The following PIAS1 variants were observed in gnomAD, a reference collection of about 807,000 sequenced individuals.
PIAS1 encodes the protein E3 SUMO-protein ligase PIAS1.
PIAS1 carries 6 observed loss-of-function variants against 71.3 expected under a neutral mutation model. The observed-to-expected ratio is 0.08, with a 90% confidence interval of 0.05 to 0.17. The LOEUF (loss-of-function observed/expected upper bound fraction) is 0.17. Ranked by LOEUF, PIAS1 falls within the 10% of genes least tolerant of loss-of-function variation. The pLI is 1.00. For missense variants in PIAS1, 555 were observed against 793.6 expected (o/e 0.70, Z 3.61); for synonymous variants, 303 against 292.9 (o/e 1.03, Z -0.35).
At chr15:68,176,414 T>G in intron 10 of PIAS1, 60 bp from the exon 11 acceptor site, 2 of 1,135,988 alleles carry the variant, frequency 1.8e-6, no homozygotes, top group Admixed American at 2.7e-5. Flanking sequence ...GTAGTGACAC[T>G]GAGAAAAGAG....
chr15:68,191,400 C>G lies in PIAS1; in HGVS notation c.*3565C>G, dbSNP rs2093119397. ...ACATGCATTGGAAAAAAATTGTTTA[C>G]CTATTGAATGTTACCTGTTTATGTA... On this transcript the variant is annotated 3_prime_UTR_variant, in exon 14 of 14. Transcript: ENST00000249636. The G allele has an allele frequency of 1.3e-5, 2 of 152,562 alleles. No individual in the cohort carries two copies. The highest frequency in any genetic ancestry group is 2.9e-5 in the Non-Finnish European group (2 of 68,028). 9.5% of individuals were successfully genotyped at this position (152,562 alleles called of 1,614,324 possible). A position where few individuals can be genotyped will look rare whatever the true frequency, so the allele number is the denominator to read the frequency against.
Position 68,173,674 on chromosome 15 carries a change from C to A in PIAS1, c.1009-58C>A. 1 of 1,322,418 alleles carries A rather than the reference C, an allele frequency of 7.6e-7. No homozygotes were observed. Among genetic ancestry groups the A allele is most frequent in the South Asian group, 2.0e-5 (1 of 51,140 alleles). 81.9% of individuals were successfully genotyped at this position (1,322,418 alleles called of 1,614,324 possible). On this transcript the variant is annotated intron_variant, in intron 8 of 13. Transcript: ENST00000249636. The surrounding 1 kb of genome is among the most constrained non-coding windows in gnomAD (Gnocchi z 4.3). ...CTGTTGTGTTCTAGGAAATTTTTGT[C>A]AAAGCTTAAATGTTGAATAGCAATT... is the stretch of plus-strand genomic sequence containing the variant.
rs1051450634 is a variant in PIAS1 at position 68,178,537 on chromosome 15, T to G, written c.1481+1883T>G. ...GGAGAAAAGGAAAAGTCACATTACC[T>G]AAAGTTAGAACAAGTATCTATAGAA... On this transcript the variant is annotated intron_variant, in intron 11 of 13. Transcript: ENST00000249636. This position sits in a 1 kb window ranked among gnomAD's most constrained non-coding sequence, Gnocchi z 4.2. 6.6e-6 allele frequency among the ~76,000 whole-genome samples: 1 copy of G among 152,186 alleles called. No individual in the cohort carries two copies. The highest frequency in any genetic ancestry group is 2.4e-5 in the African/African-American group (1 of 41,444).
rs2092495005 is a variant in PIAS1 at position 68,108,708 on chromosome 15, G to A, written c.469+21958G>A. ...TCTACCCTCAGTATTCTCCCTTTTG[G>A]TTAAGAGTATCTTCATCCTTTTTGT... On this transcript the variant is annotated intron_variant, in intron 2 of 13. Transcript: ENST00000249636. 2.0e-5 allele frequency among the ~76,000 whole-genome samples: 3 copies of A among 151,950 alleles called. No homozygotes were observed. In the South Asian group the frequency reaches 6.2e-4, roughly 32 times the overall value.
intron 7 of PIAS1, among the ~76,000 whole-genome samples, chr15:68,164,231 G>T (rs1464508350): frequency 6.6e-6 from 1 of 151,886 alleles, no homozygotes; most frequent in East Asian, 1.9e-4. Flanking sequence ...AAAGAAATAG[G>T]ACTCTTTTCA....
At chr15:68,135,197 C>A (rs867312790) in intron 2 of PIAS1, among the ~76,000 whole-genome samples, 140 of 42,040 alleles carry the variant, frequency 3.3e-3, no homozygotes, top group African/African-American at 7.0e-3. Context: ...GGGGGGCTGA[C>A]CCCCCCACCT....
chr15:68,175,053 G>A (rs1367963273), intron 9 of PIAS1, among the ~76,000 whole-genome samples: 1 of 152,016 alleles, frequency 6.6e-6, no homozygotes, highest in Non-Finnish European at 1.5e-5. Flanking sequence ...GCTTTTTTCG[G>A]TATATGATTT....
At chr15:68,130,120 A>G (rs1276693191) in intron 2 of PIAS1, among the ~76,000 whole-genome samples, 2 of 152,100 alleles carry the variant, frequency 1.3e-5, no homozygotes, top group African/African-American at 4.8e-5. Context: ...CTGTATCAAA[A>G]TATTTCATAT....
chr15:68,130,665 C>CT (rs995071298), intron 2 of PIAS1, among the ~76,000 whole-genome samples: 2 of 112,124 alleles, frequency 1.8e-5, no homozygotes, highest in Non-Finnish European at 3.7e-5. Flanking sequence ...AAAGGTAACA[C>CT]TTAAAAAAAA....
At position 68,086,806 on chromosome 15, in the gene PIAS1, A is replaced by G; in HGVS notation, c.469+56A>G. 1 of 1,106,430 alleles carries G rather than the reference A, an allele frequency of 9.0e-7. No individual in the cohort carries two copies. Among genetic ancestry groups the G allele is most frequent in the Non-Finnish European group, 1.3e-6 (1 of 754,228 alleles). The allele number at this position is 1,106,430 out of a possible 1,614,324, so 68.5% of individuals were successfully genotyped here. On this transcript the variant is annotated intron_variant, in intron 2 of 13. Coordinates refer to ENST00000249636, the MANE Select transcript of PIAS1 (RefSeq NM_016166.3). This position sits in a 1 kb window ranked among gnomAD's most constrained non-coding sequence, Gnocchi z 7.2. The stretch of plus-strand genomic sequence containing the variant: ...CTTTTGCAGGATGAATTTTCGTTTT[A>G]GGCTTTTACTTTGACCCAGTTTATT...
chr15:68,054,423 T>A lies in PIAS1; in HGVS notation c.24+73T>A. ...CGCCGCTGCTGCCAGGGGGGATGGG[T>A]CCGACCCTGGGGGGCCTCTCGGGCC... On this transcript the variant is annotated intron_variant, in intron 1 of 13. Coordinates refer to ENST00000249636, the MANE Select transcript of PIAS1 (RefSeq NM_016166.3). The surrounding 1 kb of genome is among the most constrained non-coding windows in gnomAD (Gnocchi z 4.6). The A allele has an allele frequency of 6.7e-7, 1 of 1,484,012 alleles. No homozygotes were observed. The highest frequency in any genetic ancestry group is 1.2e-5 in the South Asian group (1 of 82,394). The allele number at this position is 1,484,012 out of a possible 1,614,324, so 91.9% of individuals were successfully genotyped here. A position where few individuals can be genotyped will look rare whatever the true frequency, so the allele number is the denominator to read the frequency against.
chr15:68,061,593 ACT>A (rs1259367229), intron 1 of PIAS1: 2 of 152,094 alleles, frequency 1.3e-5, no homozygotes, highest in Non-Finnish European at 2.9e-5. Context: ...GATATCAGTA[ACT>A]CTCATAGGAC....
chr15:68,154,945 C>G (rs770572358), intron 7 of PIAS1, among the ~76,000 whole-genome samples: 2 of 152,206 alleles, frequency 1.3e-5, no homozygotes, highest in African/African-American at 4.8e-5. Context: ...CCTGGTCATT[C>G]TACTGAGAAT....
chr15:68,152,902 T>TTC (rs1295215878), intron 6 of PIAS1, among the ~76,000 whole-genome samples: 2 of 148,670 alleles, frequency 1.3e-5, no homozygotes, highest in African/African-American at 4.9e-5. Flanking sequence ...GGCTTTTCTT[T>TTC]TTTTTTTTTT....
chr15:68,184,641 T>C (rs144620487), intron 13 of PIAS1: 45 of 152,426 alleles, frequency 3.0e-4, no homozygotes, highest in African/African-American at 1.0e-3. Flanking sequence ...TGAAGGCAAC[T>C]GAAGAATTTT....
chr15:68,054,401 C>A lies in PIAS1; in HGVS notation c.24+51C>A. 6.5e-7 allele frequency: 1 copy of A among 1,543,500 alleles called. No homozygotes were observed. Among genetic ancestry groups the A allele is most frequent in the South Asian group, 1.2e-5 (1 of 83,818 alleles). On this transcript the variant is annotated intron_variant, in intron 1 of 13. Transcript: ENST00000249636. The surrounding 1 kb of genome is among the most constrained non-coding windows in gnomAD (Gnocchi z 4.6). The stretch of plus-strand genomic sequence containing the variant: ...TAATATTCGGCCGCGGAGACGGCGC[C>A]GCTGCTGCCAGGGGGGATGGGTCCG...
intron 2 of PIAS1, among the ~76,000 whole-genome samples, chr15:68,091,046 A>G (rs2140987402): frequency 6.6e-6 from 1 of 152,140 alleles, no homozygotes. Context: ...ATCCATATAA[A>G]TAATGGAAGA....
chr15:68,127,458 A>G (rs2092658665), intron 2 of PIAS1, among the ~76,000 whole-genome samples: 2 of 152,282 alleles, frequency 1.3e-5, no homozygotes, highest in South Asian at 4.1e-4. Context: ...ATTTTGCATT[A>G]TAAATTAGAT....
rs1026806503 is a variant in PIAS1 at position 68,171,471 on chromosome 15, A to C, written c.1009-2261A>C. Among the ~76,000 whole-genome samples the C allele has an allele frequency of 2.6e-5, 4 of 152,182 alleles. No individual in the cohort carries two copies. The highest frequency in any genetic ancestry group is 1.3e-4 in the Admixed American group (2 of 15,274). On this transcript the variant is annotated intron_variant, in intron 8 of 13. Transcript: ENST00000249636. The surrounding 1 kb of genome is among the most constrained non-coding windows in gnomAD (Gnocchi z 4.4). The stretch of plus-strand genomic sequence containing the variant: ...GTATATGCGGTTCAGTGTTGACCAA[A>C]ATGTTATGTGGTGCTTGATTGTAAT...
Sources: gnomAD v4.1 joint callset for allele counts (sites outside exome capture counted in the v4.1 genomes callset) on GRCh38, gnomAD v4.1.1 for gene constraint, Gnocchi (gnomAD v3.1) non-coding constraint, MANE v1.5 for transcripts, NCBI Gene and HGNC (gene_info 2026-07-23, HGNC 2026-07-21) for gene names.